Variants in HECW1 observed in about 807,000 individuals in gnomAD.
The protein encoded by HECW1 is E3 ubiquitin-protein ligase HECW1.
A neutral mutation model predicts 182.3 loss-of-function variants in HECW1; 61 were observed. The ratio of observed to expected loss-of-function variants is 0.33; its 90% confidence interval spans 0.27 to 0.41. The LOEUF (loss-of-function observed/expected upper bound fraction) is 0.41, where lower values mean the gene tolerates loss of function less well. Ranked by LOEUF, HECW1 falls within the 10% of genes least tolerant of loss-of-function variation. HECW1 has a pLI of 1.00. For missense variants in HECW1, 1,739 were observed against 2,108.9 expected (o/e 0.82, Z 3.44); for synonymous variants, 859 against 832.6 (o/e 1.03, Z -0.55).
chr7:43,552,082 C>T, intron 27 of HECW1, 140 bp from the exon 28 acceptor site: 1 of 634,902 alleles, frequency 1.6e-6, no homozygotes, highest in South Asian at 1.8e-5. Flanking sequence ...CAATAATTTT[C>T]AAGTTAAAAA....
chr7:43,416,887 C>T (rs534715561), intron 8 of HECW1, among the ~76,000 whole-genome samples: 46 of 151,962 alleles, frequency 3.0e-4, no homozygotes, highest in African/African-American at 1.0e-3. Context: ...TGCTTCGGCT[C>T]GAGCACGGTG....
chr7:43,364,588 G>A (rs566219703), intron 6 of HECW1, among the ~76,000 whole-genome samples: 2 of 152,354 alleles, frequency 1.3e-5, no homozygotes, highest in South Asian at 2.1e-4. Flanking sequence ...TGAGGCAGGC[G>A]CCATGAGTGG....
At chr7:43,416,785 C>CGAATACTGG (rs1190965802) in intron 8 of HECW1, among the ~76,000 whole-genome samples, 8 of 148,094 alleles carry the variant, frequency 5.4e-5, no homozygotes, top group Admixed American at 3.4e-4. Flanking sequence ...GGGAGTGACC[C>CGAATACTGG]GATTTTCCAG....
At chr7:43,537,034 A>C (rs1291624652) in intron 24 of HECW1, among the ~76,000 whole-genome samples, 1 of 152,188 alleles carries the variant, frequency 6.6e-6, no homozygotes, top group East Asian at 1.9e-4. Flanking sequence ...GCTGCGTTCA[A>C]GCATGGCCGC....
intron 6 of HECW1, among the ~76,000 whole-genome samples, chr7:43,373,956 G>T (rs181777949): frequency 6.6e-6 from 1 of 152,128 alleles, no homozygotes; most frequent in Non-Finnish European, 1.5e-5. Context: ...CCATGTTGCC[G>T]CGTGTGCCAG....
chr7:43,232,539 C>T lies in HECW1; in HGVS notation c.-31-11336C>T, dbSNP rs868105136. The stretch of plus-strand genomic sequence containing the variant: ...TTGGCTGTGGGTCAGCTGCAGCTTT[C>T]CTTCCTCTTGTGGTTTGGGCTCAGA... On this transcript the variant is annotated intron_variant, in intron 2 of 29. Transcript: ENST00000395891. Among the ~76,000 whole-genome samples, 5 of 152,306 alleles carry T rather than the reference C, an allele frequency of 3.3e-5. No individual in the cohort carries two copies. In the South Asian group the frequency reaches 8.3e-4, roughly 25 times the overall value.
intron 16 of HECW1, among the ~76,000 whole-genome samples, chr7:43,476,823 A>G (rs1384072753): frequency 6.6e-6 from 1 of 152,148 alleles, no homozygotes; most frequent in Non-Finnish European, 1.5e-5. Context: ...ACTCACCTAA[A>G]CTAAAGCTAG....
intron 2 of HECW1, among the ~76,000 whole-genome samples, chr7:43,188,957 C>T (rs149292043): frequency 1.6e-4 from 24 of 152,254 alleles, no homozygotes; most frequent in African/African-American, 4.3e-4. Flanking sequence ...TAAGCCAATC[C>T]GTGGATTCCT....
At chr7:43,419,278 C>T (rs61633508) in intron 8 of HECW1, among the ~76,000 whole-genome samples, 3,851 of 152,264 alleles carry the variant, frequency 0.025, 189 homozygotes, top group African/African-American at 0.088. Context: ...GGCAAAGATC[C>T]CACTGTGAAG....
At chr7:43,198,125 A>G (rs1381243016) in intron 2 of HECW1, among the ~76,000 whole-genome samples, 1 of 148,266 alleles carries the variant, frequency 6.7e-6, no homozygotes, top group East Asian at 2.0e-4. Context: ...CATACCCACT[A>G]TAGTCACACA....
At chr7:43,326,325 A>G (rs1181252808) in intron 5 of HECW1, among the ~76,000 whole-genome samples, 2 of 152,230 alleles carry the variant, frequency 1.3e-5, no homozygotes, top group Non-Finnish European at 2.9e-5. Context: ...TCACACAGGT[A>G]GGGGCTGTCG....
intron 8 of HECW1, among the ~76,000 whole-genome samples, chr7:43,426,708 G>A (rs952031923): frequency 6.6e-6 from 1 of 152,068 alleles, no homozygotes; most frequent in Non-Finnish European, 1.5e-5. Context: ...TCTGATCCAA[G>A]AAATTTTGGT....
intron 2 of HECW1, among the ~76,000 whole-genome samples, chr7:43,171,586 A>G (rs749140402): frequency 6.6e-6 from 1 of 152,204 alleles, no homozygotes; most frequent in Non-Finnish European, 1.5e-5. Flanking sequence ...ATTTCAATAC[A>G]ATAGGTTTTA....
chr7:43,134,883 T>C (rs1482452228), intron 2 of HECW1, among the ~76,000 whole-genome samples: 3 of 152,212 alleles, frequency 2.0e-5, no homozygotes, highest in Non-Finnish European at 4.4e-5. Context: ...ATCTGGATTG[T>C]TTTTCTACTT....
intron 2 of HECW1, among the ~76,000 whole-genome samples, chr7:43,179,171 A>G (rs148598595): frequency 6.6e-6 from 1 of 152,342 alleles, no homozygotes; most frequent in East Asian, 1.9e-4. Context: ...TTCCGCAGAA[A>G]ATAATAAATG....
At chr7:43,317,309 G>A (rs942133864) in intron 4 of HECW1, among the ~76,000 whole-genome samples, 11 of 152,174 alleles carry the variant, frequency 7.2e-5, no homozygotes, top group Admixed American at 3.3e-4. Flanking sequence ...AGAGACAGCC[G>A]CCATGGCCTG....
At chr7:43,503,236 G>A (rs201204524) in intron 21 of HECW1, among the ~76,000 whole-genome samples, 3 of 152,248 alleles carry the variant, frequency 2.0e-5, no homozygotes, top group East Asian at 3.9e-4. Context: ...TGCTGGAGCC[G>A]ACATCAATAC....
At chr7:43,455,462 A>T (rs2152887880) in intron 12 of HECW1, among the ~76,000 whole-genome samples, 1 of 152,300 alleles carries the variant, frequency 6.6e-6, no homozygotes, top group East Asian at 1.9e-4. Flanking sequence ...AACTGGCTTT[A>T]ATCTGAGGGC....
chr7:43,379,010 C>T (rs546153239), intron 6 of HECW1, among the ~76,000 whole-genome samples: 2 of 152,224 alleles, frequency 1.3e-5, no homozygotes, highest in East Asian at 3.9e-4. Flanking sequence ...TGCCCTTGCT[C>T]ACACAAGCAC....
Sources: gnomAD v4.1 joint callset for allele counts (sites outside exome capture counted in the v4.1 genomes callset) on GRCh38, gnomAD v4.1.1 for gene constraint, MANE v1.5 for transcripts, NCBI Gene and HGNC (gene_info 2026-07-23, HGNC 2026-07-21) for gene names.